Variants in OPRM1 observed in about 807,000 individuals in gnomAD.
The protein encoded by OPRM1 is mu-type opioid receptor.
Under a neutral mutation model 31.8 loss-of-function variants are expected in OPRM1, and 27 were observed. The ratio of observed to expected loss-of-function variants is 0.85; its 90% CI spans 0.63 to 1.17. OPRM1 has a LOEUF of 1.17. Among genes scored for constraint, OPRM1 ranks in the 50% most tolerant of loss-of-function variants. The pLI, the probability that OPRM1 is intolerant of heterozygous loss-of-function variation, is 0.00. For missense variants in OPRM1, 536 were observed against 511.1 expected, an observed-to-expected ratio of 1.05 and a Z score of -0.47; for synonymous variants, 196 against 189.9, an observed-to-expected ratio of 1.03 and a Z score of -0.26.
intron 3 of OPRM1, among the ~76,000 whole-genome samples, chr6:154,197,737 A>G (rs994914998): frequency 3.9e-5 from 6 of 151,930 alleles, no homozygotes; most frequent in Non-Finnish European, 8.8e-5. Flanking sequence ...CTAAAAGAAA[A>G]CCCTCAACCT....
chr6:154,239,455 A>G (rs949888592), intron 3 of OPRM1, among the ~76,000 whole-genome samples: 1 of 152,234 alleles, frequency 6.6e-6, no homozygotes, highest in African/African-American at 2.4e-5. Flanking sequence ...AGAATTCAAG[A>G]AAGTCCTCAA....
intron 1 of OPRM1, among the ~76,000 whole-genome samples, chr6:154,074,840 G>T (rs1787523881): frequency 6.6e-6 from 1 of 151,752 alleles, no homozygotes; most frequent in Admixed American, 6.6e-5. Flanking sequence ...AGAGTATGAA[G>T]AAACACAAAA....
intron 3 of OPRM1, among the ~76,000 whole-genome samples, chr6:154,171,744 A>G (rs1024788543): frequency 2.3e-4 from 35 of 152,342 alleles, no homozygotes; most frequent in African/African-American, 8.2e-4. Context: ...GAGACACTGG[A>G]AAGTCTTAAA....
chr6:154,173,493 G>A (rs1800046283), intron 3 of OPRM1, among the ~76,000 whole-genome samples: 1 of 152,070 alleles, frequency 6.6e-6, no homozygotes, highest in African/African-American at 2.4e-5. Context: ...TTTTGGTGCT[G>A]AAAACCACAG....
chr6:154,049,584 A>T (rs1781808017), intron 1 of OPRM1, among the ~76,000 whole-genome samples: 1 of 152,208 alleles, frequency 6.6e-6, no homozygotes, highest in African/African-American at 2.4e-5. Context: ...AATATATATA[A>T]AATGTTCCTC....
In OPRM1 at chr6:154,203,341, G is replaced by A. The variant is rs190145151; in HGVS notation, c.1165-43352G>A. Among the ~76,000 whole-genome samples, 24 of 152,148 alleles carry A rather than the reference G, an allele frequency of 1.6e-4. 1 individual carries two copies. In the South Asian group the frequency reaches 3.3e-3, roughly 21 times the overall value. On this transcript the variant is annotated intron_variant, in intron 3 of 3. Coordinates refer to the OPRM1 transcript ENST00000337049. ...TAGGTGCTTTGCCTGGTGCTTCTGC[G>A]GTTATTTCTATCATAATAGGTGGAA...
chr6:154,188,505 T>G (rs1801582399), intron 3 of OPRM1, among the ~76,000 whole-genome samples: 1 of 152,244 alleles, frequency 6.6e-6, no homozygotes, highest in African/African-American at 2.4e-5. Flanking sequence ...CATGTGCATG[T>G]GTGTGTATGT....
rs1026641543 is a variant in OPRM1, at chr6:154,120,326, A to T, written c.*1605A>T. Among the ~76,000 whole-genome samples, 1 of 152,176 alleles carries T rather than the reference A, an allele frequency of 6.6e-6. No individual in the cohort carries two copies. The highest frequency in any genetic ancestry group is 2.1e-4 in the South Asian group (1 of 4,826). ...TCAGAATAACTGAATTTACTCTCAGATCTATTGGCTATAGTTATGTGGACT... is the reference window on the plus strand; with the variant it reads ...TCAGAATAACTGAATTTACTCTCAGTTCTATTGGCTATAGTTATGTGGACT... On this transcript the variant is annotated 3_prime_UTR_variant, in exon 4 of 4. Transcript: ENST00000330432.
At chr6:154,152,390 A>AAGAAAGAAAGAAAGAAAGAGAGAGAGAG (rs1360734115) in intron 3 of OPRM1, among the ~76,000 whole-genome samples, 3 of 126,194 alleles carry the variant, frequency 2.4e-5, no homozygotes, top group Admixed American at 7.7e-5. Flanking sequence ...GAAAGAAAGA[A>AAGAAAGAAAGAAAGAAAGAGAGAGAGAG]AGAGAAATAG....
intron 1 of OPRM1, among the ~76,000 whole-genome samples, chr6:154,079,791 C>G (rs1023743784): frequency 2.6e-5 from 4 of 152,086 alleles, no homozygotes; most frequent in African/African-American, 7.2e-5. Flanking sequence ...CTCACTGCAG[C>G]CTTGAATTCC....
chr6:154,243,558 G>A (rs182711774), intron 3 of OPRM1, among the ~76,000 whole-genome samples: 214 of 152,328 alleles, frequency 1.4e-3, no homozygotes, highest in Middle Eastern at 3.4e-3. Context: ...GGCAATGACG[G>A]AGAGAGAAAA....
intron 1 of OPRM1, among the ~76,000 whole-genome samples, chr6:154,022,979 T>C (rs561890783): frequency 6.6e-6 from 1 of 151,948 alleles, no homozygotes; most frequent in East Asian, 1.9e-4. Flanking sequence ...TGAAGTCAGG[T>C]AATGTGATTC....
At chr6:154,203,095 A>G (rs1015489760) in intron 3 of OPRM1, among the ~76,000 whole-genome samples, 5 of 152,216 alleles carry the variant, frequency 3.3e-5, no homozygotes, top group African/African-American at 1.2e-4. Flanking sequence ...GGAGAAACCA[A>G]TAGCCAACAT....
intron 3 of OPRM1, chr6:154,221,237 T>C (rs767625227): frequency 8.7e-6 from 14 of 1,602,414 alleles, no homozygotes; most frequent in Non-Finnish European, 1.2e-5. Flanking sequence ...GGATGGGGTT[T>C]ACCAGTTTCC....
intron 3 of OPRM1, among the ~76,000 whole-genome samples, chr6:154,115,406 G>T (rs1052254657): frequency 6.6e-6 from 1 of 152,144 alleles, no homozygotes; most frequent in Non-Finnish European, 1.5e-5. Flanking sequence ...CAGGTGTGGT[G>T]GTGCATGTCT....
intron 1 of OPRM1, among the ~76,000 whole-genome samples, chr6:154,048,657 CTAATT>C (rs1781621049): frequency 6.6e-6 from 1 of 152,138 alleles, no homozygotes; most frequent in Non-Finnish European, 1.5e-5. Context: ...AGTATAAAAT[CTAATT>C]TAAATAATTT....
chr6:154,214,325 A>G, intron 3 of OPRM1: 1 of 1,193,964 alleles, frequency 8.4e-7, no homozygotes, highest in African/African-American at 1.5e-5. Flanking sequence ...TTAGCCCCCC[A>G]CCCATTCACC....
At chr6:154,219,889 T>G (rs749695862) in intron 3 of OPRM1, among the ~76,000 whole-genome samples, 3 of 152,068 alleles carry the variant, frequency 2.0e-5, no homozygotes, top group Non-Finnish European at 2.9e-5. Context: ...TACAAAGCCA[T>G]TCTGTCCTCA....
intron 1 of OPRM1, among the ~76,000 whole-genome samples, chr6:154,077,509 T>C (rs1788122142): frequency 6.6e-6 from 1 of 151,490 alleles, no homozygotes; most frequent in African/African-American, 2.4e-5. Flanking sequence ...GGTGGGCGGA[T>C]TGGTTGAGGT....
Sources: allele counts gnomAD v4.1 joint callset (sites outside exome capture counted in the v4.1 genomes callset), GRCh38; gene constraint gnomAD v4.1.1; transcripts MANE v1.5; gene names NCBI Gene and HGNC (gene_info 2026-07-23, HGNC 2026-07-21).